The following MTF2 variants were observed in gnomAD, a reference collection of about 807,000 sequenced individuals.
MTF2 encodes metal response element binding transcription factor 2, also known as metal-response element-binding transcription factor 2.
Under a neutral mutation model 79.5 loss-of-function variants are expected in MTF2, and 11 were observed. The observed-to-expected ratio is 0.14, with a 90% confidence interval of 0.09 to 0.23. The LOEUF (loss-of-function observed/expected upper bound fraction) is 0.23, where lower values mean the gene tolerates loss of function less well. Among genes scored for constraint, MTF2 ranks in the 10% least tolerant of loss-of-function variants. The pLI, the probability that MTF2 is intolerant of heterozygous loss-of-function variation, is 1.00. For missense variants in MTF2, 486 were observed against 711.2 expected, an observed-to-expected ratio of 0.68 and a Z score of 3.60; for synonymous variants, 208 against 232.8, an observed-to-expected ratio of 0.89 and a Z score of 0.97.
intron 1 of MTF2, among the ~76,000 whole-genome samples, chr1:93,098,622 G>C (rs1655396750): frequency 6.6e-6 from 1 of 152,174 alleles, no homozygotes; most frequent in Non-Finnish European, 1.5e-5. Flanking sequence ...TTTAATTAAA[G>C]TATACTCTGA....
At chr1:93,100,251 A>G (rs1655470851) in intron 1 of MTF2, among the ~76,000 whole-genome samples, 1 of 152,084 alleles carries the variant, frequency 6.6e-6, no homozygotes, top group South Asian at 2.1e-4. Flanking sequence ...TTTTTTCTAT[A>G]CTATTTGCTA....
intron 9 of MTF2, among the ~76,000 whole-genome samples, chr1:93,125,306 T>G (rs1034779930): frequency 1.4e-5 from 2 of 141,514 alleles, no homozygotes; most frequent in East Asian, 2.1e-4. Context: ...GTCAGTGTTT[T>G]TTTTTTTTTT....
At position 93,138,482 on chromosome 1, in the gene MTF2, TTGAC is replaced by T. The variant is rs1647491025; in HGVS notation, c.*1458_*1461del. 6.6e-6 allele frequency: 1 copy of T among 152,220 alleles called. No homozygotes were observed. The highest frequency in any genetic ancestry group is 1.5e-5 in the Non-Finnish European group (1 of 68,026). The allele number at this position is 152,220 out of a possible 1,614,324, so 9.4% of individuals were successfully genotyped here. On this transcript the variant is annotated 3_prime_UTR_variant, in exon 15 of 15. Transcript: ENST00000370298. ...CTTATTTATTCCATTAATTGATTAT[TTGAC>T]TGTTTATAAAGAAAGTTGCTTTATT...
intron 1 of MTF2, among the ~76,000 whole-genome samples, chr1:93,090,015 C>T (rs1325872050): frequency 6.6e-6 from 1 of 151,910 alleles, no homozygotes; most frequent in Non-Finnish European, 1.5e-5. Flanking sequence ...CTCGCTCTGT[C>T]CCCCGGGCTG....
At chr1:93,109,345 G>A (rs879423201) in intron 1 of MTF2, among the ~76,000 whole-genome samples, 1 of 147,880 alleles carries the variant, frequency 6.8e-6, no homozygotes, top group Non-Finnish European at 1.5e-5. Flanking sequence ...TTGTTTTTTT[G>A]TTTTTTGAGA....
In MTF2 at chr1:93,131,728, G is replaced by T. The variant is rs909378790; in HGVS notation, c.1161-1975G>T. On this transcript the variant is annotated intron_variant, in intron 11 of 14. Transcript: ENST00000370298. Reference sequence around the variant, plus strand: ...TGGGAGATAGTTGGAACCTGTTTTTGTGTGTAAGTAGGAATGATCCAGTGG... The same window carrying T: ...TGGGAGATAGTTGGAACCTGTTTTTTTGTGTAAGTAGGAATGATCCAGTGG... Among the ~76,000 whole-genome samples, 4 of 152,206 alleles carry T rather than the reference G, an allele frequency of 2.6e-5. No homozygotes were observed. In the East Asian group the frequency reaches 7.7e-4, roughly 29 times the overall value.
At chr1:93,095,397 A>G (rs759195141) in intron 1 of MTF2, among the ~76,000 whole-genome samples, 11 of 151,828 alleles carry the variant, frequency 7.2e-5, no homozygotes, top group Admixed American at 2.0e-4. Flanking sequence ...CTGGAGTGCA[A>G]TGGTGCAATC....
intron 1 of MTF2, among the ~76,000 whole-genome samples, chr1:93,092,466 A>C (rs1655111410): frequency 6.6e-6 from 1 of 152,182 alleles, no homozygotes; most frequent in African/African-American, 2.4e-5. Flanking sequence ...TTACCAAAAC[A>C]ATGTAGTTTC....
At position 93,079,904 on chromosome 1, in the gene MTF2, C is replaced by T. The variant is rs575493375; in HGVS notation, c.5+373C>T. ...GGGGTGGGGAGCCGAGAGGAGGAGC[C>T]GTTGGGAAATGGGGGCTGAGGGAAA... is the stretch of plus-strand genomic sequence containing the variant. On this transcript the variant is annotated intron_variant, in intron 1 of 14. Coordinates refer to ENST00000370298, the MANE Select transcript of MTF2 (RefSeq NM_007358.4). 2.7e-5 allele frequency among the ~76,000 whole-genome samples: 4 copies of T among 150,494 alleles called. No homozygotes were observed. The South Asian group carries it at 8.5e-4, about 32-fold the overall frequency.
chr1:93,137,057 C>T lies in MTF2; in HGVS notation c.*30C>T, dbSNP rs1014542091. The T allele has an allele frequency of 6.4e-7, 1 of 1,560,782 alleles. No homozygotes were observed. The highest frequency in any genetic ancestry group is 8.8e-7 in the Non-Finnish European group (1 of 1,136,680). ...AGGACTGAACATTATGTTCACTGCA[C>T]TCTGATTTTCTGTAGGTACAGTTCA... On this transcript the variant is annotated 3_prime_UTR_variant, in exon 15 of 15. Coordinates refer to ENST00000370298, the MANE Select transcript of MTF2 (RefSeq NM_007358.4).
At position 93,115,049 on chromosome 1, in the gene MTF2, A is replaced by G. The variant is rs1656193820; in HGVS notation, c.444A>G (p.Lys148=). The change falls in exon 5 of 15, where the codon AAA becomes AAG. Residue 148 remains lysine (K), a synonymous_variant. Transcript: ENST00000370298. The part of the protein sequence containing the change: ...IDSSVIDSDE[K]WLCRQCVFAT... Reference sequence around the variant, plus strand: ...CCAGTGTGATTGATTCAGATGAAAAATGGCTCTGTCGGCAGTGTGTTTTTG... The same window carrying G: ...CCAGTGTGATTGATTCAGATGAAAAGTGGCTCTGTCGGCAGTGTGTTTTTG... 1 of 1,611,738 alleles carries G rather than the reference A, an allele frequency of 6.2e-7. No individual in the cohort carries two copies. The highest frequency in any genetic ancestry group is 1.3e-5 in the African/African-American group (1 of 74,878).
chr1:93,102,638 A>G (rs1200239761), intron 1 of MTF2, among the ~76,000 whole-genome samples: 2 of 152,066 alleles, frequency 1.3e-5, no homozygotes, highest in South Asian at 4.1e-4. Context: ...CTTTTTTACT[A>G]CTACTAATAG....
At chr1:93,089,849 CTT>C (rs368478215) in intron 1 of MTF2, among the ~76,000 whole-genome samples, 2 of 144,158 alleles carry the variant, frequency 1.4e-5, no homozygotes, top group Non-Finnish European at 1.5e-5. Flanking sequence ...CTTGATTTTC[CTT>C]TTTTTTTTTT....
Sources: gnomAD v4.1 joint callset for allele counts (sites outside exome capture counted in the v4.1 genomes callset) on GRCh38, gnomAD v4.1.1 for gene constraint, MANE v1.5 for transcripts, NCBI Gene and HGNC (gene_info 2026-07-23, HGNC 2026-07-21) for gene names.